Variants in NUMA1 observed in about 807,000 individuals in gnomAD.
NUMA1 encodes nuclear mitotic apparatus protein 1, also known as SP-H antigen.
Under a neutral mutation model 237.1 loss-of-function variants are expected in NUMA1, and 62 were observed. The ratio of observed to expected loss-of-function variants is 0.26; its 90% CI spans 0.21 to 0.32. The LOEUF (loss-of-function observed/expected upper bound fraction) is 0.32. Ranked by LOEUF, NUMA1 falls within the 10% of genes least tolerant of loss-of-function variation. NUMA1 has a pLI of 1.00. For missense variants in NUMA1, 2,533 were observed against 2,666.5 expected, an observed-to-expected ratio of 0.95 and a Z score of 1.10; for synonymous variants, 1,028 against 1,066.1, an observed-to-expected ratio of 0.96 and a Z score of 0.70.
intron 2 of NUMA1, chr11:72,049,647 AATAG>A (rs1942231513): frequency 1.5e-5 from 2 of 133,394 alleles, no homozygotes; most frequent in Admixed American, 1.6e-4. Flanking sequence ...TAGATAAATA[AATAG>A]ATATATATCA....
intron 4 of NUMA1, among the ~76,000 whole-genome samples, chr11:72,025,251 T>A (rs1462617500): frequency 6.6e-6 from 1 of 151,992 alleles, no homozygotes; most frequent in African/African-American, 2.4e-5. Flanking sequence ...GAGCGGGCAG[T>A]GTGAAGAGAG....
At chr11:72,044,471 CTCTG>C (rs1444263931) in intron 2 of NUMA1, among the ~76,000 whole-genome samples, 1 of 151,976 alleles carries the variant, frequency 6.6e-6, no homozygotes, top group Admixed American at 6.6e-5. Flanking sequence ...AGACTGGATC[CTCTG>C]TCTGTCTGCC....
intron 26 of NUMA1, 30 bp from the exon 27 acceptor site, chr11:72,003,568 G>A (rs375811666): frequency 1.1e-4 from 185 of 1,613,890 alleles, no homozygotes; most frequent in Non-Finnish European, 1.3e-4. Context: ...ATGGCCAGAT[G>A]AGAACTTGCG....
intron 2 of NUMA1, among the ~76,000 whole-genome samples, chr11:72,053,528 A>G (rs936849869): frequency 3.9e-5 from 6 of 152,244 alleles, no homozygotes; most frequent in African/African-American, 1.4e-4. Flanking sequence ...ACAGAAGAAG[A>G]CAGTTTGAAG....
In NUMA1 at chr11:72,024,350, A is replaced by G. The variant is rs1939289701; in HGVS notation, c.132T>C (p.His44=). Residue 44 remains histidine, a synonymous_variant, in exon 5 of 27, where the codon CAT becomes CAC. Transcript: ENST00000393695. ...AGATTTGCTGTCCCTCTTCAGTGCC[A>G]TGGCTAGAAAAAGAGCAAGTATTAG... ...SIFIKIIDRI[H]GTEEGQQILK... 3.7e-6 allele frequency: 6 copies of G among 1,614,132 alleles called. No homozygotes were observed. Among genetic ancestry groups the G allele is most frequent in the Non-Finnish European group, 5.1e-6 (6 of 1,179,952 alleles).
chr11:72,029,539 T>C (rs977327604), intron 3 of NUMA1, among the ~76,000 whole-genome samples: 1 of 152,236 alleles, frequency 6.6e-6, no homozygotes, highest in African/African-American at 2.4e-5. Context: ...TTTCCTAAGA[T>C]GTTCCAGCAC....
Position 72,014,130 on chromosome 11 carries a change from G to A in NUMA1, c.3373C>T (p.Leu1125=). ...TEPTGPKLEA[L]RAEVSKLEQQ... is the part of the protein sequence containing the mutation. ...TCCAGCTTGCTCACCTCTGCCCGCA[G>A]TGCCTCCAGCTTGGGGCCTGTTGGC... Residue 1125 remains leucine, a synonymous_variant, in exon 15 of 27, where the codon CTG becomes TTG. Transcript: ENST00000393695. The surrounding 1 kb of genome is among the most constrained non-coding windows in gnomAD (Gnocchi z 4.6). The A allele has an allele frequency of 1.2e-6, 2 of 1,612,626 alleles. No homozygotes were observed. Among genetic ancestry groups the A allele is most frequent in the Admixed American group, 1.7e-5 (1 of 60,034 alleles).
intron 17 of NUMA1, among the ~76,000 whole-genome samples, chr11:72,009,780 T>A (rs1213800253): frequency 6.6e-6 from 1 of 152,216 alleles, no homozygotes; most frequent in Non-Finnish European, 1.5e-5. Context: ...GGGAACTTGT[T>A]TCTCCTCAAA....
At chr11:72,009,544 A>G (rs1956002241) in intron 17 of NUMA1, among the ~76,000 whole-genome samples, 157 bp from the exon 18 acceptor site, 1 of 152,240 alleles carries the variant, frequency 6.6e-6, no homozygotes, top group Admixed American at 6.5e-5. Flanking sequence ...CTGCCCGACT[A>G]CAGTCTACTA....
Position 72,023,163 on chromosome 11 carries a change from C to A in NUMA1, c.209-16G>T. Reference sequence around the variant, plus strand: ...TTTCGATTTTCTGCAATGACAACAACGTAGAAAACAGGGTGAACTTCCTGG... The same window carrying A: ...TTTCGATTTTCTGCAATGACAACAAAGTAGAAAACAGGGTGAACTTCCTGG... On this transcript the variant is annotated splice_polypyrimidine_tract_variant and intron_variant, in intron 5 of 26. Coordinates refer to ENST00000393695, the MANE Select transcript of NUMA1 (RefSeq NM_006185.4). 1 of 1,590,282 alleles carries A rather than the reference C, an allele frequency of 6.3e-7. No individual in the cohort carries two copies. The highest frequency in any genetic ancestry group is 8.6e-7 in the Non-Finnish European group (1 of 1,159,080).
chr11:72,044,472 T>C (rs1292458743), intron 2 of NUMA1, among the ~76,000 whole-genome samples: 3 of 152,064 alleles, frequency 2.0e-5, no homozygotes, highest in African/African-American at 4.8e-5. Context: ...GACTGGATCC[T>C]CTGTCTGTCT....
chr11:72,004,113 C>T lies in NUMA1; in HGVS notation c.6124-14G>A, dbSNP rs1955492207. ...GCGCCGGTCAGCCTGCAAGGAAGGG[C>T]TGTCAGACCGGGAGACCCAATGCTG... On this transcript the variant is annotated splice_polypyrimidine_tract_variant and intron_variant, in intron 25 of 26. Coordinates refer to ENST00000393695, the MANE Select transcript of NUMA1 (RefSeq NM_006185.4). 6.2e-7 allele frequency: 1 copy of T among 1,613,068 alleles called. No homozygotes were observed. Among genetic ancestry groups the T allele is most frequent in the Non-Finnish European group, 8.5e-7 (1 of 1,179,618 alleles).
chr11:72,013,179 T>C lies in NUMA1; in HGVS notation c.4324A>G (p.Lys1442Glu), dbSNP rs998290815. 4 of 1,613,352 alleles carry C rather than the reference T, an allele frequency of 2.5e-6. No individual in the cohort carries two copies. Among genetic ancestry groups the C allele is most frequent in the Non-Finnish European group, 3.4e-6 (4 of 1,180,036 alleles). The change falls in exon 15 of 27, where the codon AAG becomes GAG. Residue 1442 changes from lysine to glutamate, a missense_variant. By Grantham distance (56) the Lys-to-Glu change is moderately conservative (BLOSUM62 1). This residue lies in a region of NUMA1 where 324 missense variants were observed against 407.6 expected (regional missense o/e 0.79). Coordinates refer to ENST00000393695, the MANE Select transcript of NUMA1 (RefSeq NM_006185.4). This position sits in a 1 kb window ranked among gnomAD's most constrained non-coding sequence, Gnocchi z 6.8. ...SYAEQLSMLK[K>E]AHGLLAEENR... ...TCCTCTGCCAGCAGGCCATGCGCCT[T>C]CTTCAGCATGCTCAGCTGCTCTGCA...
At chr11:72,008,395 T>C (rs1263076592) in intron 20 of NUMA1, 1 of 446,868 alleles carries the variant, frequency 2.2e-6, no homozygotes, top group East Asian at 4.4e-5. Flanking sequence ...ACATCTCAGC[T>C]TAGTCAGGCT....
At chr11:72,056,635 T>TTAAAAA (rs1281316084) in intron 2 of NUMA1, among the ~76,000 whole-genome samples, 962 of 75,624 alleles carry the variant, frequency 0.013, 47 homozygotes, top group African/African-American at 0.059. Flanking sequence ...CCCATCTCTT[T>TTAAAAA]AAAAAAAAAA....
rs2135179048 is a variant in NUMA1, at chr11:72,018,512, A to G, written c.744T>C (p.Asp248=). 1 of 1,613,610 alleles carries G rather than the reference A, an allele frequency of 6.2e-7. No individual in the cohort carries two copies. The highest frequency in any genetic ancestry group is 2.2e-5 in the East Asian group (1 of 44,876). The change falls in exon 11 of 27, where the codon GAT becomes GAC. Residue 248 remains aspartate (D), a splice_region_variant and synonymous_variant. Transcript: ENST00000393695. ...GCTGCTGCATCATGGCTATCTGTGCATCTGCCCAGAGTGGAGGGAGGAGGA... is the reference window on the plus strand; with the variant it reads ...GCTGCTGCATCATGGCTATCTGTGCGTCTGCCCAGAGTGGAGGGAGGAGGA... The part of the protein sequence containing the change: ...AENRKLLTEK[D]AQIAMMQQRI...
rs750462283 is a variant in NUMA1 at position 72,009,198 on chromosome 11, A to AGGGT, written c.4840-17_4840-14dup. Reference sequence around the variant, plus strand: ...TGGCTTTCTCCATCTGTGGGCAGAGAGGGTGGGTGGGTGGGGTAGAGGTTG... The same window carrying AGGGT: ...TGGCTTTCTCCATCTGTGGGCAGAGAGGGTGGGTGGGTGGGTGGGGTAGAGGTTG... On this transcript the variant is annotated splice_polypyrimidine_tract_variant and intron_variant, in intron 18 of 26. Transcript: ENST00000393695. The AGGGT allele has an allele frequency of 1.0e-3, 54 of 53,704 alleles. No individual in the cohort carries two copies. The highest frequency in any genetic ancestry group is 1.5e-3 in the Non-Finnish European group (51 of 34,514). The allele number at this position is 53,704 out of a possible 1,614,324, so 3.3% of individuals were successfully genotyped here. A position where few individuals can be genotyped will look rare whatever the true frequency, so the allele number is the denominator to read the frequency against.
At chr11:72,019,694 T>G in intron 8 of NUMA1, 77 bp from the exon 9 acceptor site, 1 of 1,508,162 alleles carries the variant, frequency 6.6e-7, no homozygotes, top group Non-Finnish European at 9.0e-7. Flanking sequence ...TTATGCAATT[T>G]GAGAACTCGC....
intron 5 of NUMA1, 129 bp downstream of exon 5, chr11:72,024,145 T>A (rs976558618): frequency 5.4e-5 from 39 of 717,496 alleles, no homozygotes; most frequent in Middle Eastern, 3.9e-4. Flanking sequence ...TGTTTTCATC[T>A]TTGTGTTAAA....
Sources: gnomAD v4.1 joint callset for allele counts (sites outside exome capture counted in the v4.1 genomes callset) on GRCh38, gnomAD v4.1.1 for gene constraint, gnomAD v4.1.1 regional missense constraint, Gnocchi (gnomAD v3.1) non-coding constraint, MANE v1.5 for transcripts, NCBI Gene and HGNC (gene_info 2026-07-23, HGNC 2026-07-21) for gene names.